CCDC6: variants seen among roughly 807,000 people sequenced by gnomAD.
The protein encoded by CCDC6 is coiled-coil domain-containing protein 6.
CCDC6 carries 20 observed loss-of-function variants against 56.6 expected under a neutral mutation model. The observed-to-expected ratio is 0.35, with a 90% CI of 0.25 to 0.51. CCDC6 has a LOEUF of 0.51. Ranked by LOEUF, CCDC6 falls within the 20% of genes least tolerant of loss-of-function variation. The probability of loss-of-function intolerance (pLI) is 0.95; values close to 1 mark genes in which losing one functional copy is unlikely to be tolerated. For synonymous variants in CCDC6, 241 were observed against 234.4 expected, an observed-to-expected ratio of 1.03 and a Z score of -0.26; for missense variants, 367 against 601.1, an observed-to-expected ratio of 0.61 and a Z score of 4.07.
chr10:59,853,350 T>C (rs1165565512), intron 1 of CCDC6, among the ~76,000 whole-genome samples: 2 of 151,948 alleles, frequency 1.3e-5, no homozygotes, highest in Non-Finnish European at 2.9e-5. Flanking sequence ...CTGGGCAGCA[T>C]GGCAAAACCC....
chr10:59,832,365 T>C (rs1056683908), intron 3 of CCDC6, among the ~76,000 whole-genome samples, 160 bp downstream of exon 3: 1 of 152,234 alleles, frequency 6.6e-6, no homozygotes, highest in Non-Finnish European at 1.5e-5. Context: ...ATAGGAACTA[T>C]GTAAACCTGT....
chr10:59,851,911 T>C (rs954915170), intron 2 of CCDC6, among the ~76,000 whole-genome samples: 5 of 133,872 alleles, frequency 3.7e-5, no homozygotes, highest in Admixed American at 3.0e-4. Context: ...ACTTTACCAG[T>C]AAGCTTTGAA....
chr10:59,852,836 C>T, intron 1 of CCDC6, 134 bp from the exon 2 acceptor site: 1 of 607,476 alleles, frequency 1.6e-6, no homozygotes, highest in East Asian at 3.2e-5. Context: ...TAGCTGTGAA[C>T]CAACACACCC....
At chr10:59,863,161 A>G (rs2071148332) in intron 1 of CCDC6, among the ~76,000 whole-genome samples, 1 of 152,204 alleles carries the variant, frequency 6.6e-6, no homozygotes. Flanking sequence ...TATTGCTTAG[A>G]GATAACTTAT....
At chr10:59,805,011 AACAG>A (rs1327649367) in intron 6 of CCDC6, 1 of 160,770 alleles carries the variant, frequency 6.2e-6, no homozygotes, top group African/African-American at 2.4e-5. Flanking sequence ...AGCCCTGCTT[AACAG>A]ACAGTCACAC....
chr10:59,802,015 T>C (rs1158523063), intron 7 of CCDC6, among the ~76,000 whole-genome samples: 1 of 152,196 alleles, frequency 6.6e-6, no homozygotes, highest in Non-Finnish European at 1.5e-5. Flanking sequence ...GGTACGTTCA[T>C]TGCTATGAGG....
chr10:59,896,162 T>A (rs1026297927), intron 1 of CCDC6, among the ~76,000 whole-genome samples: 4 of 152,170 alleles, frequency 2.6e-5, no homozygotes, highest in African/African-American at 9.7e-5. Context: ...ACTGTACCTG[T>A]GAGTATAAAA....
intron 1 of CCDC6, among the ~76,000 whole-genome samples, chr10:59,873,941 T>C (rs2071254478): frequency 6.6e-6 from 1 of 152,206 alleles, no homozygotes. Flanking sequence ...CCCATTCCTA[T>C]GATGTTGAGG....
intron 2 of CCDC6, among the ~76,000 whole-genome samples, chr10:59,833,030 T>C (rs1414695438): frequency 6.6e-6 from 1 of 152,212 alleles, no homozygotes; most frequent in Non-Finnish European, 1.5e-5. Flanking sequence ...AGAACATACT[T>C]AGGTAAATTA....
chr10:59,833,652 G>GC (rs1268497393), intron 2 of CCDC6, among the ~76,000 whole-genome samples: 6 of 123,936 alleles, frequency 4.8e-5, no homozygotes, highest in Non-Finnish European at 8.7e-5. Flanking sequence ...GGGGGGGGGG[G>GC]GGTTTGTTGA....
rs1448879547 is a variant in CCDC6 at position 59,868,771 on chromosome 10, C to T, written c.304-16069G>A. ...AAGCAGAGCCAGCCCCCAGTAAAAA[C>T]CCTCGGCTCCAATGAGCTTCCCTGG... On this transcript the variant is annotated intron_variant, in intron 1 of 8. Transcript: ENST00000263102. 2.0e-5 allele frequency among the ~76,000 whole-genome samples: 3 copies of T among 152,168 alleles called. No individual in the cohort carries two copies. The South Asian group carries it at 6.2e-4, about 32-fold the overall frequency.
chr10:59,900,746 G>T (rs1451320924), intron 1 of CCDC6, among the ~76,000 whole-genome samples: 1 of 152,190 alleles, frequency 6.6e-6, no homozygotes, highest in Non-Finnish European at 1.5e-5. Context: ...CACTGTAAAA[G>T]ACTGTCATGA....
intron 1 of CCDC6, among the ~76,000 whole-genome samples, chr10:59,884,934 C>T (rs1253789231): frequency 2.6e-5 from 4 of 151,936 alleles, no homozygotes; most frequent in Non-Finnish European, 5.9e-5. Context: ...CATGGTGACA[C>T]ACGCCTGTAG....
intron 1 of CCDC6, among the ~76,000 whole-genome samples, chr10:59,858,183 T>C (rs935461887): frequency 6.6e-6 from 1 of 152,168 alleles, no homozygotes; most frequent in African/African-American, 2.4e-5. Context: ...GCCTTTATTT[T>C]TTCTATTAGA....
intron 6 of CCDC6, among the ~76,000 whole-genome samples, chr10:59,806,054 ACT>A (rs2070620027): frequency 6.6e-6 from 1 of 152,112 alleles, no homozygotes; most frequent in African/African-American, 2.4e-5. Context: ...CCCCAAGAAT[ACT>A]CAGTCTCACC....
rs557163833 is a variant in CCDC6, at chr10:59,872,782, G to T, written c.304-20080C>A. On this transcript the variant is annotated intron_variant, in intron 1 of 8. Transcript: ENST00000263102. ...TCAAAGAGGATAACTTTCCAGATGG[G>T]GGGGTGGGGGAAGGTAACAACATTA... 2.9e-4 allele frequency among the ~76,000 whole-genome samples: 32 copies of T among 111,758 alleles called. No individual in the cohort carries two copies. In the East Asian group the frequency reaches 5.1e-3, roughly 18 times the overall value. 73.3% of individuals were successfully genotyped at this position (111,758 alleles called of 152,430 possible). A position where few individuals can be genotyped will look rare whatever the true frequency, so the allele number is the denominator to read the frequency against.
At chr10:59,904,106 T>C (rs1232667727) in intron 1 of CCDC6, among the ~76,000 whole-genome samples, 1 of 152,240 alleles carries the variant, frequency 6.6e-6, no homozygotes, top group East Asian at 1.9e-4. Flanking sequence ...TTCTGGTACT[T>C]GTGCAGTGTC....
At chr10:59,854,973 G>T (rs897197068) in intron 1 of CCDC6, among the ~76,000 whole-genome samples, 2 of 152,196 alleles carry the variant, frequency 1.3e-5, no homozygotes, top group Non-Finnish European at 2.9e-5. Context: ...TTCATTATCA[G>T]ATCAGACTCA....
At chr10:59,827,560 C>G (rs1484002733) in intron 3 of CCDC6, among the ~76,000 whole-genome samples, 2 of 152,152 alleles carry the variant, frequency 1.3e-5, no homozygotes, top group African/African-American at 4.8e-5. Context: ...CATGAGGCCA[C>G]ACTGTTTATT....
Sources: allele counts gnomAD v4.1 joint callset (sites outside exome capture counted in the v4.1 genomes callset), GRCh38; gene constraint gnomAD v4.1.1; transcripts MANE v1.5; gene names NCBI Gene and HGNC (gene_info 2026-07-23, HGNC 2026-07-21).